The following UBE4A variants were observed in gnomAD, a reference collection of about 807,000 sequenced individuals.
UBE4A encodes the protein ubiquitination factor E4A.
UBE4A carries 48 observed loss-of-function variants against 117.9 expected under a neutral mutation model. That is an observed-to-expected ratio of 0.41 (90% CI 0.32 to 0.52). The LOEUF (loss-of-function observed/expected upper bound fraction) is 0.52, where lower values mean the gene tolerates loss of function less well. Among genes scored for constraint, UBE4A ranks in the 20% least tolerant of loss-of-function variants. The probability of loss-of-function intolerance (pLI) is 0.33; values close to 1 mark genes in which losing one functional copy is unlikely to be tolerated. For synonymous variants in UBE4A, 407 were observed against 450.0 expected (o/e 0.90, Z 1.21); for missense variants, 1,067 against 1,296.3 (o/e 0.82, Z 2.72).
intron 16 of UBE4A, 87 bp downstream of exon 16, chr11:118,386,699 A>G: frequency 7.2e-7 from 1 of 1,382,560 alleles, no homozygotes; most frequent in Non-Finnish European, 9.6e-7. Context: ...GAAACTAAGA[A>G]TTCAGACCCT....
intron 10 of UBE4A, chr11:118,378,758 A>G (rs1161954244): frequency 6.6e-6 from 1 of 152,266 alleles, no homozygotes; most frequent in Non-Finnish European, 1.5e-5. Flanking sequence ...AATGAATATC[A>G]TCTAGTTTCC....
chr11:118,375,294 TC>T, intron 9 of UBE4A, 65 bp downstream of exon 9: 1 of 1,362,652 alleles, frequency 7.3e-7, no homozygotes, highest in Non-Finnish European at 9.8e-7. Context: ...AAGCATTCAC[TC>T]CCTTATCCTT....
chr11:118,381,814 A>G (rs1372662923), intron 12 of UBE4A, among the ~76,000 whole-genome samples: 4 of 152,254 alleles, frequency 2.6e-5, no homozygotes, highest in Non-Finnish European at 5.9e-5. Context: ...GAAACTTAAC[A>G]GTGGCAGCCA....
intron 10 of UBE4A, among the ~76,000 whole-genome samples, chr11:118,377,406 G>A (rs539004189): frequency 1.3e-5 from 2 of 151,712 alleles, no homozygotes; most frequent in East Asian, 2.0e-4. Flanking sequence ...ATGGGGTTTC[G>A]CTGTGTTGGC....
Position 118,390,740 on chromosome 11 carries a change from T to C in UBE4A, c.2852T>C (p.Leu951Ser). Residue 951 changes from leucine (L) to serine (S), a missense_variant, in exon 18 of 20, where the codon TTG becomes TCG. By Grantham distance (145) the Leu-to-Ser change is moderately radical. Transcript: ENST00000252108. ...CTCTTTGCACAGACAGTTCGAGTCTTGAAGAAAATAAATAAGCCTGGGAAT... is the reference window on the plus strand; with the variant it reads ...CTCTTTGCACAGACAGTTCGAGTCTCGAAGAAAATAAATAAGCCTGGGAAT... ...PTLFAQTVRVLKKINKPGNMI... is the reference protein window; with the variant it reads ...PTLFAQTVRVSKKINKPGNMI... The C allele has an allele frequency of 1.2e-6, 2 of 1,607,962 alleles. No homozygotes were observed. The highest frequency in any genetic ancestry group is 1.7e-6 in the Non-Finnish European group (2 of 1,177,264).
chr11:118,384,970 ATTT>A, intron 15 of UBE4A, 25 bp downstream of exon 15: 13 of 1,378,024 alleles, frequency 9.4e-6, no homozygotes, highest in Non-Finnish European at 1.3e-5. Context: ...AAAAAAAAAG[ATTT>A]AACTTCTCCA....
At chr11:118,387,240 C>T (rs1948767951) in intron 16 of UBE4A, among the ~76,000 whole-genome samples, 1 of 152,028 alleles carries the variant, frequency 6.6e-6, no homozygotes, top group Admixed American at 6.6e-5. Flanking sequence ...TAGGTGAAAA[C>T]TTTGTAAAAA....
intron 5 of UBE4A, 22 bp downstream of exon 5, chr11:118,371,688 A>T: frequency 6.2e-7 from 1 of 1,603,306 alleles, no homozygotes; most frequent in Admixed American, 1.7e-5. Flanking sequence ...ATCCCCATTG[A>T]ATACTGTATT....
At chr11:118,376,971 C>T (rs184238025) in intron 10 of UBE4A, among the ~76,000 whole-genome samples, 1 of 151,728 alleles carries the variant, frequency 6.6e-6, no homozygotes, top group Non-Finnish European at 1.5e-5. Flanking sequence ...GAGGATTGCT[C>T]TAGCCGAAGA....
At chr11:118,360,468 T>C (rs1948511647) in intron 1 of UBE4A, among the ~76,000 whole-genome samples, 2 of 152,232 alleles carry the variant, frequency 1.3e-5, no homozygotes, top group Non-Finnish European at 2.9e-5. Flanking sequence ...GGCCTGATAG[T>C]GTTAGGTGAA....
Position 118,371,585 on chromosome 11 carries a change from A to G in UBE4A, c.480A>G (p.Leu160=). The G allele has an allele frequency of 1.2e-6, 2 of 1,614,036 alleles. No individual in the cohort carries two copies. Among genetic ancestry groups the G allele is most frequent in the Non-Finnish European group, 1.7e-6 (2 of 1,180,016 alleles). The change falls in exon 5 of 20, where the codon CTA becomes CTG. Residue 160 remains leucine (L), a synonymous_variant. Coordinates refer to ENST00000252108, the MANE Select transcript of UBE4A (RefSeq NM_001204077.2). ...TTAACATGACTTCTTCTACAACGCT[A>G]AATCTCTCTGCTGATCGAGATGCAG... ...HLINMTSSTT[L]NLSADRDAGE...
intron 10 of UBE4A, among the ~76,000 whole-genome samples, chr11:118,377,418 A>G (rs1274744782): frequency 1.3e-5 from 2 of 151,854 alleles, no homozygotes; most frequent in African/African-American, 4.8e-5. Flanking sequence ...TGTGTTGGCC[A>G]GGCTGGTCTC....
rs1453740597 is a variant in UBE4A at position 118,373,594 on chromosome 11, C to T, written c.1025C>T (p.Thr342Ile). ...CTGAGTATCTCCTGCTTATTAAAGA[C>T]TCCGGGTGTTGTAGAAAATCATGGC... ...VILSISCLLK[T>I]PGVVENHGYF... Residue 342 changes from threonine (T) to isoleucine (I), a missense_variant, in exon 8 of 20, where the codon ACT (threonine) becomes ATT (isoleucine). Transcript: ENST00000252108. 1 of 1,614,176 alleles carries T rather than the reference C, an allele frequency of 6.2e-7. No individual in the cohort carries two copies. The highest frequency in any genetic ancestry group is 2.2e-5 in the East Asian group (1 of 44,888).
chr11:118,371,575 C>T lies in UBE4A; in HGVS notation c.470C>T (p.Ser157Phe), dbSNP rs142343750. 9.9e-6 allele frequency: 16 copies of T among 1,613,928 alleles called. No individual in the cohort carries two copies. Among genetic ancestry groups the T allele is most frequent in the African/African-American group, 4.0e-5 (3 of 74,930 alleles). The change falls in exon 5 of 20, where the codon TCT becomes TTT. Residue 157 changes from serine (S) to phenylalanine (F), a missense_variant. Coordinates refer to ENST00000252108, the MANE Select transcript of UBE4A (RefSeq NM_001204077.2). The stretch of plus-strand genomic sequence containing the variant: ...AACCACTTAATTAACATGACTTCTT[C>T]TACAACGCTAAATCTCTCTGCTGAT... ...PGNHLINMTSSTTLNLSADRD... is the reference protein window; with the variant it reads ...PGNHLINMTSFTTLNLSADRD...
At chr11:118,368,061 G>A (rs1948578815) in intron 2 of UBE4A, among the ~76,000 whole-genome samples, 1 of 152,124 alleles carries the variant, frequency 6.6e-6, no homozygotes, top group Non-Finnish European at 1.5e-5. Flanking sequence ...TGGCCTAACA[G>A]GGAAAGGTGT....
chr11:118,375,756 C>T (rs1948647649), intron 9 of UBE4A, among the ~76,000 whole-genome samples: 1 of 151,948 alleles, frequency 6.6e-6, no homozygotes, highest in South Asian at 2.1e-4. Flanking sequence ...GATTTGGCAG[C>T]CTTGCATATT....
chr11:118,363,990 T>C (rs1948543277), intron 1 of UBE4A, among the ~76,000 whole-genome samples: 1 of 152,082 alleles, frequency 6.6e-6, no homozygotes, highest in Non-Finnish European at 1.5e-5. Flanking sequence ...CAAATGTTCT[T>C]TTTTTCTTCC....
rs959981564 is a variant in UBE4A at position 118,390,701 on chromosome 11, C to G, written c.2813C>G (p.Ser938Cys). ...GCCACTGTGCCCAAGGATGGACGTT[C>G]CTATTCCCCAACTCTCTTTGCACAG... ...FCATVPKDGRSYSPTLFAQTV... is the reference protein window; with the variant it reads ...FCATVPKDGRCYSPTLFAQTV... The change falls in exon 18 of 20, where the codon TCC (serine) becomes TGC (cysteine). Residue 938 changes from serine to cysteine, a missense_variant. Ser to Cys is a moderately radical substitution (Grantham distance 112). Coordinates refer to ENST00000252108, the MANE Select transcript of UBE4A (RefSeq NM_001204077.2). 1.3e-6 allele frequency: 2 copies of G among 1,573,290 alleles called. No homozygotes were observed. Among genetic ancestry groups the G allele is most frequent in the East Asian group, 2.4e-5 (1 of 41,660 alleles).
intron 4 of UBE4A, 32 bp from the exon 5 acceptor site, chr11:118,371,482 A>G: frequency 6.3e-7 from 1 of 1,579,326 alleles, no homozygotes; most frequent in African/African-American, 1.4e-5. Flanking sequence ...ATTTTGCAAT[A>G]GTTTAGTATT....
Sources: gnomAD v4.1 joint callset for allele counts (sites outside exome capture counted in the v4.1 genomes callset) on GRCh38, gnomAD v4.1.1 for gene constraint, MANE v1.5 for transcripts, NCBI Gene and HGNC (gene_info 2026-07-23, HGNC 2026-07-21) for gene names.